Variants in EPM2A observed in about 807,000 individuals in gnomAD.
EPM2A encodes the protein laforin.
EPM2A carries 21 observed loss-of-function variants against 26.5 expected under a neutral mutation model. The observed-to-expected ratio is 0.79, with a 90% CI of 0.56 to 1.14. The LOEUF is 1.14. Among genes scored for constraint, EPM2A ranks in the 50% most tolerant of loss-of-function variants. The probability of loss-of-function intolerance (pLI) is 0.00; values close to 1 mark genes in which losing one functional copy is unlikely to be tolerated. For synonymous variants in EPM2A, 217 were observed against 177.6 expected, an observed-to-expected ratio of 1.22 and a Z score of -1.76; for missense variants, 458 against 440.8, an observed-to-expected ratio of 1.04 and a Z score of -0.35.
At chr6:145,500,929 T>C (rs569233485), downstream of EPM2A, among the ~76,000 whole-genome samples, 1 of 152,312 alleles carries the variant, frequency 6.6e-6, no homozygotes, top group African/African-American at 2.4e-5. Context: ...ATTCTATTTA[T>C]TGGTAAGAGT....
At chr6:145,409,061 G>T (rs1260374618) in intron 4 of EPM2A, among the ~76,000 whole-genome samples, 1 of 152,136 alleles carries the variant, frequency 6.6e-6, no homozygotes, top group Non-Finnish European at 1.5e-5. Flanking sequence ...CAGGAAATTA[G>T]AAGTGTTTAT....
chr6:145,537,564 ATGT>A (rs1156503720), intron 2 of EPM2A, among the ~76,000 whole-genome samples: 1 of 148,114 alleles, frequency 6.8e-6, no homozygotes, highest in Non-Finnish European at 1.5e-5. Flanking sequence ...CTGAAGGCAG[ATGT>A]TGTCCTACAA....
chr6:145,398,002 T>TTTAGGA (rs1778429322), intron 4 of EPM2A, among the ~76,000 whole-genome samples: 1 of 152,190 alleles, frequency 6.6e-6, no homozygotes, highest in Admixed American at 6.6e-5. Flanking sequence ...TTTTCACAGT[T>TTTAGGA]ATCATTTTCT....
chr6:145,447,115 C>T (rs529508746), intron 4 of EPM2A, among the ~76,000 whole-genome samples: 1 of 152,146 alleles, frequency 6.6e-6, no homozygotes, highest in East Asian at 1.9e-4. Flanking sequence ...TGTTTACTCT[C>T]TAGTCCCAAA....
At chr6:145,527,313 A>G (rs921915234) in intron 2 of EPM2A, among the ~76,000 whole-genome samples, 1 of 152,100 alleles carries the variant, frequency 6.6e-6, no homozygotes, top group Admixed American at 6.6e-5. Context: ...TAATTGGTCA[A>G]ATGGTGAATT....
At chr6:145,440,226 G>C (rs1779044636) in intron 4 of EPM2A, among the ~76,000 whole-genome samples, 1 of 152,198 alleles carries the variant, frequency 6.6e-6, no homozygotes, top group Non-Finnish European at 1.5e-5. Context: ...CAGGAGAAGA[G>C]AGAGAGCCAA....
chr6:145,718,272 T>C (rs1775751576), intron 1 of EPM2A, among the ~76,000 whole-genome samples: 1 of 148,120 alleles, frequency 6.8e-6, no homozygotes, highest in Non-Finnish European at 1.5e-5. Context: ...AAAACAGAGA[T>C]ATAGATCAAT....
intron 2 of EPM2A, among the ~76,000 whole-genome samples, chr6:145,561,925 G>A (rs1235465915): frequency 6.6e-6 from 1 of 151,990 alleles, no homozygotes. Context: ...AGGAGGGAGA[G>A]CATTAGGACA....
intron 2 of EPM2A, among the ~76,000 whole-genome samples, chr6:145,600,931 T>A (rs955302538): frequency 3.3e-5 from 5 of 152,182 alleles, no homozygotes; most frequent in African/African-American, 1.2e-4. Flanking sequence ...GTCTCCACTG[T>A]CCAGAGGGTC....
chr6:145,694,585 T>A (rs1781467207), intron 1 of EPM2A, among the ~76,000 whole-genome samples: 1 of 151,738 alleles, frequency 6.6e-6, no homozygotes. Flanking sequence ...GAGGATGAAG[T>A]AAGAGGTGTT....
At chr6:145,471,045 C>T (rs978542811) in intron 4 of EPM2A, among the ~76,000 whole-genome samples, 2 of 152,124 alleles carry the variant, frequency 1.3e-5, no homozygotes, top group African/African-American at 4.8e-5. Context: ...GATAAAAGTT[C>T]ATTTTGTGGC....
intron 1 of EPM2A, chr6:145,734,834 G>GGGA (rs1443098661): frequency 2.5e-5 from 4 of 157,056 alleles, no homozygotes; most frequent in Non-Finnish European, 5.6e-5. Flanking sequence ...GGAGGGCGAA[G>GGGA]GGAGCCCCGG....
chr6:145,581,314 T>TAA (rs1781109865), intron 2 of EPM2A, among the ~76,000 whole-genome samples: 1 of 152,172 alleles, frequency 6.6e-6, no homozygotes, highest in Non-Finnish European at 1.5e-5. Context: ...AAAAAGTGCC[T>TAA]TTTATGTCTT....
chr6:145,527,249 G>C (rs1462432152), intron 2 of EPM2A, among the ~76,000 whole-genome samples: 2 of 152,098 alleles, frequency 1.3e-5, no homozygotes, highest in Non-Finnish European at 2.9e-5. Flanking sequence ...CAGATGAGAA[G>C]AATGTATATT....
intron 4 of EPM2A, among the ~76,000 whole-genome samples, chr6:145,444,092 T>C: frequency 6.6e-6 from 1 of 152,194 alleles, no homozygotes; most frequent in African/African-American, 2.4e-5. Context: ...TATTTAGATG[T>C]CTTTTATTAT....
chr6:145,558,680 G>A (rs1780765079), intron 2 of EPM2A, among the ~76,000 whole-genome samples: 1 of 151,984 alleles, frequency 6.6e-6, no homozygotes, highest in African/African-American at 2.4e-5. Flanking sequence ...CCATTTGTAC[G>A]TGCTTTTCGA....
chr6:145,445,486 CAGA>C (rs1375015175), intron 4 of EPM2A, among the ~76,000 whole-genome samples: 3 of 152,088 alleles, frequency 2.0e-5, no homozygotes, highest in Non-Finnish European at 4.4e-5. Context: ...CTATAATTTT[CAGA>C]AGAATAGATT....
At chr6:145,558,435 A>T (rs1407585884) in intron 2 of EPM2A, among the ~76,000 whole-genome samples, 1 of 152,064 alleles carries the variant, frequency 6.6e-6, no homozygotes, top group African/African-American at 2.4e-5. Context: ...TTTCTTTTGG[A>T]TATATACCCA....
rs542789378 is a variant in EPM2A at position 145,477,227 on chromosome 6, C to G, written c.555+25295G>C. ...TATATGCAACCTACCAAGATTGAAC[C>G]CAGAAGAAATCTAAAACCTGAACCC... On this transcript the variant is annotated intron_variant, in intron 4 of 4. Transcript: ENST00000638717. Among the ~76,000 whole-genome samples, 5 of 151,722 alleles carry G rather than the reference C, an allele frequency of 3.3e-5. No individual in the cohort carries two copies. The East Asian group carries it at 9.7e-4, about 29-fold the overall frequency.
Sources: gnomAD v4.1 joint callset for allele counts (sites outside exome capture counted in the v4.1 genomes callset) on GRCh38, gnomAD v4.1.1 for gene constraint, MANE v1.5 for transcripts, NCBI Gene and HGNC (gene_info 2026-07-23, HGNC 2026-07-21) for gene names.